The following ATL1 variants were observed in gnomAD, a reference collection of about 807,000 sequenced individuals.
ATL1 encodes atlastin GTPase 1.
In ATL1, 31 loss-of-function variants were observed where a neutral mutation model predicts 75.5. The ratio of observed to expected loss-of-function variants is 0.41; its 90% CI spans 0.31 to 0.55. ATL1 has a LOEUF of 0.55. ATL1 is among the 20% of genes least tolerant of loss of function. The pLI is 0.27. For synonymous variants in ATL1, 226 were observed against 233.3 expected, an observed-to-expected ratio of 0.97 and a Z score of 0.28; for missense variants, 405 against 662.6, an observed-to-expected ratio of 0.61 and a Z score of 4.27.
chr14:50,586,834 C>A (rs1412632990), intron 1 of ATL1, among the ~76,000 whole-genome samples: 1 of 152,002 alleles, frequency 6.6e-6, no homozygotes, highest in Non-Finnish European at 1.5e-5. Context: ...AATAGTTGTG[C>A]TCTTGGGAAA....
intron 1 of ATL1, chr14:50,560,903 C>G (rs1250335504): frequency 6.5e-6 from 1 of 153,478 alleles, no homozygotes; most frequent in Non-Finnish European, 1.4e-5. Context: ...CACTGCAGTA[C>G]TCCTCTTAAT....
chr14:50,593,801 A>T (rs1037394570), intron 4 of ATL1, 45 bp from the exon 5 acceptor site: 1 of 1,286,972 alleles, frequency 7.8e-7, no homozygotes, highest in African/African-American at 1.5e-5. Flanking sequence ...AGTGCTTAGG[A>T]TGATGCCAGT....
At chr14:50,604,985 GT>G (rs2039303767) in intron 6 of ATL1, among the ~76,000 whole-genome samples, 1 of 151,976 alleles carries the variant, frequency 6.6e-6, no homozygotes, top group African/African-American at 2.4e-5. Flanking sequence ...ATAAGCCTTG[GT>G]TACTGGATCA....
At chr14:50,571,886 G>T in intron 1 of ATL1, 1 of 194,932 alleles carries the variant, frequency 5.1e-6, no homozygotes, top group Non-Finnish European at 1.0e-5. Flanking sequence ...GAGGCGACAT[G>T]GATTTCTCTG....
In ATL1 at chr14:50,618,877, GTA is replaced by G. The variant is rs1555365359; in HGVS notation, c.863-1708_863-1707del. ...ATAATGTATGTGTGTGTGTGTGTGT[GTA>G]TATATATATATATTTTTTTTTCTTT... On this transcript the variant is annotated intron_variant, in intron 8 of 13. Transcript: ENST00000358385. 8.3e-3 allele frequency among the ~76,000 whole-genome samples: 1,102 copies of G among 133,326 alleles called. 9 individuals are homozygous for G. Among genetic ancestry groups the G allele is most frequent in the African/African-American group, 0.03 (1,020 of 33,496 alleles). The allele number at this position is 133,326 out of a possible 152,430, so 87.5% of individuals were successfully genotyped here.
chr14:50,614,536 T>C (rs766921941), intron 8 of ATL1, 25 bp downstream of exon 8: 1 of 1,611,156 alleles, frequency 6.2e-7, no homozygotes, highest in South Asian at 1.1e-5. Context: ...ATGAATATGT[T>C]TGCATCACTT....
chr14:50,544,621 A>G (rs1472967854), intron 1 of ATL1, among the ~76,000 whole-genome samples: 4 of 152,188 alleles, frequency 2.6e-5, no homozygotes, highest in East Asian at 1.9e-4. Flanking sequence ...TTTTGAAAAC[A>G]TAAGAGGAGC....
Position 50,598,498 on chromosome 14 carries a change from T to C in ATL1, c.630+2866T>C, listed in dbSNP as rs1019092039. Among the ~76,000 whole-genome samples, 5 of 152,130 alleles carry C rather than the reference T, an allele frequency of 3.3e-5. No homozygotes were observed. In the East Asian group the frequency reaches 9.7e-4, roughly 29 times the overall value. On this transcript the variant is annotated intron_variant, in intron 6 of 13. Coordinates refer to ENST00000358385, the MANE Select transcript of ATL1 (RefSeq NM_015915.5). ...GCTTCAGCCTCCCAAGTAGCTGGGA[T>C]TACAGGTGCCCGCCATCATGCCCAG...
intron 4 of ATL1, among the ~76,000 whole-genome samples, chr14:50,592,331 A>C (rs1295095281): frequency 6.6e-6 from 1 of 152,176 alleles, no homozygotes; most frequent in Admixed American, 6.5e-5. Flanking sequence ...AGGGCAGATC[A>C]ATAAAAAAAG....
chr14:50,557,185 C>A (rs1307331861), upstream of ATL1, among the ~76,000 whole-genome samples: 1 of 152,156 alleles, frequency 6.6e-6, no homozygotes, highest in African/African-American at 2.4e-5. Flanking sequence ...TCATAGTAAG[C>A]ATTTTAAAAC....
chr14:50,542,633 CCTTA>C (rs981347316), intron 1 of ATL1: 6 of 152,064 alleles, frequency 3.9e-5, no homozygotes, highest in African/African-American at 1.4e-4. Flanking sequence ...TTGGACCTGC[CCTTA>C]CTTCTTTGCC....
chr14:50,541,158 A>G (rs998071367), intron 1 of ATL1, among the ~76,000 whole-genome samples: 2 of 152,248 alleles, frequency 1.3e-5, no homozygotes, highest in African/African-American at 4.8e-5. Context: ...TTGCTTTCAC[A>G]TGATTGCAAC....
chr14:50,558,030 T>C (rs191745803), upstream of ATL1, among the ~76,000 whole-genome samples: 230 of 152,282 alleles, frequency 1.5e-3, no homozygotes, highest in African/African-American at 5.4e-3. Flanking sequence ...CATAGCACAA[T>C]TTTTTTAAAA....
At chr14:50,614,657 G>A in intron 8 of ATL1, 146 bp downstream of exon 8, 10 of 921,674 alleles carry the variant, frequency 1.1e-5, no homozygotes, top group Non-Finnish European at 1.5e-5. Context: ...AGGGCATCCT[G>A]GGCTGGTGCT....
intron 8 of ATL1, among the ~76,000 whole-genome samples, chr14:50,618,235 C>T (rs1394523868): frequency 8.5e-5 from 13 of 152,090 alleles, no homozygotes; most frequent in East Asian, 5.8e-4. Context: ...GATGAAAAAA[C>T]GTAAAATCAT....
intron 1 of ATL1, among the ~76,000 whole-genome samples, chr14:50,553,547 C>T (rs1221489505): frequency 1.3e-5 from 2 of 151,988 alleles, no homozygotes; most frequent in African/African-American, 4.8e-5. Flanking sequence ...GTATGGATAC[C>T]CCTTAAAGAA....
intron 1 of ATL1, among the ~76,000 whole-genome samples, chr14:50,572,808 T>A (rs916339304): frequency 2.6e-5 from 4 of 152,206 alleles, no homozygotes; most frequent in African/African-American, 4.8e-5. Context: ...TTTTAAGTAT[T>A]TTACTGTGTC....
chr14:50,590,413 C>T (rs2039144752), intron 2 of ATL1, among the ~76,000 whole-genome samples: 1 of 152,084 alleles, frequency 6.6e-6, no homozygotes, highest in African/African-American at 2.4e-5. Flanking sequence ...TTGCTTCCTC[C>T]TCCCACAAAA....
intron 2 of ATL1, 21 bp downstream of exon 2, chr14:50,588,099 A>T (rs757670224): frequency 1.2e-6 from 2 of 1,613,796 alleles, no homozygotes; most frequent in South Asian, 2.2e-5. Flanking sequence ...AGTACTTTAA[A>T]AAGTTTTCTT....
Sources: allele counts gnomAD v4.1 joint callset (sites outside exome capture counted in the v4.1 genomes callset), GRCh38; gene constraint gnomAD v4.1.1; transcripts MANE v1.5; gene names NCBI Gene and HGNC (gene_info 2026-07-23, HGNC 2026-07-21).